SHISAL1: variants seen among roughly 807,000 people sequenced by gnomAD.
The protein encoded by SHISAL1 is shisa like 1.
SHISAL1 carries 9 observed loss-of-function variants against 22.6 expected under a neutral mutation model. That is an observed-to-expected ratio of 0.40 (90% CI 0.24 to 0.70). The LOEUF (loss-of-function observed/expected upper bound fraction) is 0.70, where lower values mean the gene tolerates loss of function less well. SHISAL1 is among the 30% of genes least tolerant of loss of function. The probability of loss-of-function intolerance (pLI) is 0.39; values close to 1 mark genes in which losing one functional copy is unlikely to be tolerated. For synonymous variants in SHISAL1, 119 were observed against 115.4 expected, an observed-to-expected ratio of 1.03 and a Z score of -0.20; for missense variants, 246 against 270.6, an observed-to-expected ratio of 0.91 and a Z score of 0.64.
intron 2 of SHISAL1, among the ~76,000 whole-genome samples, chr22:44,299,643 C>T (rs2055411818): frequency 6.6e-6 from 1 of 151,998 alleles, no homozygotes; most frequent in African/African-American, 2.4e-5. Flanking sequence ...GGGCTGAAAA[C>T]CACCAGGCCA....
At chr22:44,255,951 G>C (rs1394472762) in intron 4 of SHISAL1, among the ~76,000 whole-genome samples, 1 of 152,228 alleles carries the variant, frequency 6.6e-6, no homozygotes. Flanking sequence ...TGACCTAGCA[G>C]ATGGAGGAAA....
chr22:44,306,161 C>G (rs926292749), intron 1 of SHISAL1, among the ~76,000 whole-genome samples: 1 of 152,210 alleles, frequency 6.6e-6, no homozygotes, highest in Non-Finnish European at 1.5e-5. Context: ...GGCGGCCAGC[C>G]TCAGGGCCAT....
chr22:44,258,502 T>C lies in SHISAL1; in HGVS notation c.*-8817A>G, dbSNP rs568799991. On this transcript the variant is annotated intron_variant, in intron 4 of 4. Transcript: ENST00000381176. ...GGCCTCCAGTGGGCCCTAGTGTGTA[T>C]CGTTCCCCTCTATGTATCCATGTGT... Among the ~76,000 whole-genome samples the C allele has an allele frequency of 3.5e-4, 54 of 152,310 alleles. No individual in the cohort carries two copies. The South Asian group carries it at 0.011, about 31-fold the overall frequency.
chr22:44,292,038 C>T (rs1170197809), intron 3 of SHISAL1, among the ~76,000 whole-genome samples: 2 of 152,232 alleles, frequency 1.3e-5, no homozygotes, highest in African/African-American at 4.8e-5. Context: ...TGCTTCCTCT[C>T]ACTCTGCCTT....
At chr22:44,262,424 A>C (rs1263192232) in intron 4 of SHISAL1, among the ~76,000 whole-genome samples, 1 of 152,186 alleles carries the variant, frequency 6.6e-6, no homozygotes, top group Non-Finnish European at 1.5e-5. Context: ...TCATAGCAGC[A>C]AGATTAGGGC....
intron 4 of SHISAL1, among the ~76,000 whole-genome samples, chr22:44,253,897 G>A (rs548704790): frequency 2.8e-4 from 43 of 151,668 alleles, no homozygotes; most frequent in Non-Finnish European, 5.1e-4. Flanking sequence ...GCTCTTGAAA[G>A]TGCATACACC....
At chr22:44,309,766 C>T (rs1218149031) in intron 1 of SHISAL1, among the ~76,000 whole-genome samples, 1 of 152,230 alleles carries the variant, frequency 6.6e-6, no homozygotes, top group Non-Finnish European at 1.5e-5. Flanking sequence ...CAGGGCCTTT[C>T]CTCGGCAGTG....
the SHISAL1 span, among the ~76,000 whole-genome samples, chr22:44,325,622 C>T: frequency 2.0e-5 from 3 of 152,142 alleles, no homozygotes; most frequent in Admixed American, 1.3e-4. Context: ...TTCAGAGTCC[C>T]GCCTGGCTGC....
chr22:44,270,377 G>A (rs957813720), intron 4 of SHISAL1, among the ~76,000 whole-genome samples: 2 of 152,190 alleles, frequency 1.3e-5, no homozygotes, highest in African/African-American at 2.4e-5. Context: ...CCTGTGGGGT[G>A]ACAAGGACGT....
chr22:44,288,343 A>G (rs1569219367), intron 3 of SHISAL1, among the ~76,000 whole-genome samples: 1 of 152,308 alleles, frequency 6.6e-6, no homozygotes, highest in East Asian at 1.9e-4. Context: ...CAGGTAGAAA[A>G]GCTGCTCCAG....
At chr22:44,283,174 A>G (rs534137081) in intron 4 of SHISAL1, among the ~76,000 whole-genome samples, 2 of 152,320 alleles carry the variant, frequency 1.3e-5, no homozygotes, top group East Asian at 3.9e-4. Context: ...GGGACTGGCT[A>G]TTCCCTTATC....
intron 4 of SHISAL1, among the ~76,000 whole-genome samples, chr22:44,276,929 T>C (rs1569215046): frequency 6.6e-6 from 1 of 152,184 alleles, no homozygotes; most frequent in Non-Finnish European, 1.5e-5. Flanking sequence ...AGGGCAGCGA[T>C]GAGGGGCCAG....
In SHISAL1 at chr22:44,296,812, G is replaced by A. The variant is rs1217417461; in HGVS notation, c.141C>T (p.Cys47=). Residue 47 remains cysteine, a synonymous_variant, in exon 3 of 5, where the codon TGC becomes TGT. Transcript: ENST00000381176. ...HKGRYHFGFH[C]PRLSDNKTFI... Reference sequence around the variant, plus strand: ...AGGTCTTGTTGTCCGAGAGCCGGGGGCAGTGGAAGCCAAAGTGGTAGCGGC... The same window carrying A: ...AGGTCTTGTTGTCCGAGAGCCGGGGACAGTGGAAGCCAAAGTGGTAGCGGC... 3 of 1,613,760 alleles carry A rather than the reference G, an allele frequency of 1.9e-6. No homozygotes were observed. Among genetic ancestry groups the A allele is most frequent in the African/African-American group, 2.7e-5 (2 of 74,940 alleles).
At chr22:44,253,107 T>TTATTTAAAAATGGTTAAATG (rs2055060231) in intron 4 of SHISAL1, among the ~76,000 whole-genome samples, 1 of 152,228 alleles carries the variant, frequency 6.6e-6, no homozygotes, top group Non-Finnish European at 1.5e-5. Flanking sequence ...CCCTGAACTG[T>TTATTTAAAAATGGTTAAATG]ATACTTTAAA....
intron 1 of SHISAL1, among the ~76,000 whole-genome samples, chr22:44,309,100 C>T (rs2055499549): frequency 6.6e-6 from 1 of 152,190 alleles, no homozygotes; most frequent in African/African-American, 2.4e-5. Context: ...CCACCTCATC[C>T]ACAAGCAGCC....
chr22:44,284,278 C>A (rs1341404993), intron 4 of SHISAL1, among the ~76,000 whole-genome samples: 1 of 152,080 alleles, frequency 6.6e-6, no homozygotes, highest in African/African-American at 2.4e-5. Flanking sequence ...TACTATGTGC[C>A]AGGTAGGTGC....
chr22:44,253,480 G>C (rs978012007), intron 4 of SHISAL1, among the ~76,000 whole-genome samples: 1 of 147,716 alleles, frequency 6.8e-6, no homozygotes, highest in African/African-American at 2.5e-5. Flanking sequence ...CCAGGCTGGA[G>C]TGCAATGGTA....
chr22:44,326,129 A>T, the SHISAL1 span, among the ~76,000 whole-genome samples: 1 of 152,116 alleles, frequency 6.6e-6, no homozygotes, highest in African/African-American at 2.4e-5. Flanking sequence ...CCAGCTGCAC[A>T]CGTACAATTC....
At chr22:44,257,006 C>T (rs9614414) in intron 4 of SHISAL1, among the ~76,000 whole-genome samples, 16,941 of 152,172 alleles carry the variant, frequency 0.11, 949 homozygotes, top group East Asian at 0.12. Context: ...GATTTCAGAG[C>T]GCAGACAAAA....
Sources: allele counts gnomAD v4.1 joint callset (sites outside exome capture counted in the v4.1 genomes callset), GRCh38; gene constraint gnomAD v4.1.1; transcripts MANE v1.5; gene names NCBI Gene and HGNC (gene_info 2026-07-23, HGNC 2026-07-21).